Variants in ACKR2 observed in about 807,000 individuals in gnomAD.
ACKR2 encodes atypical chemokine receptor 2.
For missense variants in ACKR2, 457 were observed against 477.3 expected (o/e 0.96, Z 0.40); for synonymous variants, 207 against 192.2 (o/e 1.08, Z -0.64).
intron 2 of ACKR2, among the ~76,000 whole-genome samples, chr3:42,832,305 A>C (rs1700938992): frequency 6.6e-6 from 1 of 152,120 alleles, no homozygotes; most frequent in Non-Finnish European, 1.5e-5. Flanking sequence ...CTAGGCCAAC[A>C]CAGTGAGGAC....
intron 2 of ACKR2, among the ~76,000 whole-genome samples, chr3:42,828,754 T>C (rs1700898912): frequency 6.6e-6 from 1 of 152,138 alleles, no homozygotes; most frequent in South Asian, 2.1e-4. Context: ...AAGAATACAG[T>C]GTGATGAAGA....
At chr3:42,833,999 GTT>G (rs1231237922) in intron 2 of ACKR2, among the ~76,000 whole-genome samples, 1 of 152,086 alleles carries the variant, frequency 6.6e-6, no homozygotes, top group Non-Finnish European at 1.5e-5. Flanking sequence ...TTTCGCTCTT[GTT>G]GCCCAGGCTG....
chr3:42,824,246 C>G (rs977725167), intron 2 of ACKR2, among the ~76,000 whole-genome samples: 3 of 152,066 alleles, frequency 2.0e-5, no homozygotes, highest in African/African-American at 7.2e-5. Context: ...AGTTGTTATA[C>G]TGTATTTTAA....
At chr3:42,857,111 G>T (rs575647463) in intron 2 of ACKR2, among the ~76,000 whole-genome samples, 1 of 152,014 alleles carries the variant, frequency 6.6e-6, no homozygotes, top group Non-Finnish European at 1.5e-5. Flanking sequence ...GGCACCTGCC[G>T]TCTTGAATTT....
Position 42,865,498 on chromosome 3 carries a change from ATGGCACC to A in ACKR2, c.1010_1016del (p.Pro337LeufsTer21), listed in dbSNP as rs577087357. On this transcript the variant is annotated frameshift_variant, in exon 3 of 3. Transcript: ENST00000422265. LOFTEE classifies it low-confidence loss of function (END_TRUNC). ...AGGCTTTCCTGGCTGCCGTGCTTGG[ATGGCACC>A]TGGCACCTGGCACTGCCCAGGCCTC... The A allele has an allele frequency of 5.1e-4, 831 of 1,614,056 alleles. 4 individuals are homozygous for A. In the African/African-American group the frequency reaches 7.1e-3, roughly 14 times the overall value.
At chr3:42,844,928 A>G (rs1345482756) in intron 2 of ACKR2, among the ~76,000 whole-genome samples, 1 of 152,104 alleles carries the variant, frequency 6.6e-6, no homozygotes, top group Admixed American at 6.5e-5. Flanking sequence ...AGACATCAGC[A>G]TCCTGCCTCC....
intron 2 of ACKR2, among the ~76,000 whole-genome samples, chr3:42,827,916 C>T (rs1700885643): frequency 6.6e-6 from 1 of 151,860 alleles, no homozygotes; most frequent in African/African-American, 2.4e-5. Context: ...TTGGGCAGAG[C>T]AAGAAAAATG....
In ACKR2 at chr3:42,865,791, C is replaced by A. The variant is rs1409924955; in HGVS notation, c.*134C>A. The A allele has an allele frequency of 5.8e-6, 4 of 686,998 alleles. No individual in the cohort carries two copies. The Admixed American group carries it at 1.3e-4, about 22-fold the overall frequency. The allele number at this position is 686,998 out of a possible 1,614,324, so 42.6% of individuals were successfully genotyped here. ...TCAGTTCTCAGTTCTCAGCCATCAG[C>A]AGCATTTGCTCGCCCCGCCTTCTTC... On this transcript the variant is annotated 3_prime_UTR_variant, in exon 3 of 3. Coordinates refer to ENST00000422265, the MANE Select transcript of ACKR2 (RefSeq NM_001296.5).
At chr3:42,817,303 T>G (rs981100723) in intron 1 of ACKR2, among the ~76,000 whole-genome samples, 10 of 152,262 alleles carry the variant, frequency 6.6e-5, no homozygotes, top group Admixed American at 1.3e-4. Flanking sequence ...TTCTGACCCC[T>G]TCTCTAAATC....
chr3:42,856,627 G>C (rs1250586951), intron 2 of ACKR2, among the ~76,000 whole-genome samples: 3 of 152,014 alleles, frequency 2.0e-5, no homozygotes, highest in Non-Finnish European at 4.4e-5. Flanking sequence ...ATACAAGGGG[G>C]TATTGAACAT....
chr3:42,865,323 C>G lies in ACKR2; in HGVS notation c.821C>G (p.Thr274Arg), dbSNP rs760448133. 4 of 1,614,096 alleles carry G rather than the reference C, an allele frequency of 2.5e-6. No homozygotes were observed. The highest frequency in any genetic ancestry group is 2.7e-5 in the African/African-American group (2 of 74,932). Residue 274 changes from threonine to arginine, a missense_variant, in exon 3 of 3, where the codon ACG becomes AGG. Thr to Arg is a moderately conservative substitution (Grantham distance 71). Transcript: ENST00000422265. The stretch of plus-strand genomic sequence containing the variant: ...TACAATCTCACCTTGTTTCTGCATA[C>G]GCTGTTGGACCTGCAAGTATTCGGG... ...FPYNLTLFLH[T>R]LLDLQVFGNC... is the part of the protein sequence containing the mutation.
intron 2 of ACKR2, among the ~76,000 whole-genome samples, chr3:42,826,690 GT>G (rs1700868792): frequency 6.6e-6 from 1 of 151,936 alleles, no homozygotes; most frequent in Admixed American, 6.6e-5. Context: ...ACAACCTTTG[GT>G]TTTGTTGATT....
chr3:42,842,066 G>C (rs114632742), intron 2 of ACKR2, among the ~76,000 whole-genome samples: 1,765 of 152,282 alleles, frequency 0.012, 39 homozygotes, highest in African/African-American at 0.04. Context: ...GTGAAGATTA[G>C]ATGAGTTTAG....
At chr3:42,829,727 C>T (rs778232066) in intron 2 of ACKR2, among the ~76,000 whole-genome samples, 3 of 152,224 alleles carry the variant, frequency 2.0e-5, no homozygotes, top group Non-Finnish European at 4.4e-5. Context: ...CCATCAACCC[C>T]TTGCATCTGC....
chr3:42,828,074 T>TTATATATATA (rs199846772), intron 2 of ACKR2, among the ~76,000 whole-genome samples: 38 of 122,512 alleles, frequency 3.1e-4, no homozygotes, highest in Middle Eastern at 4.5e-3. Context: ...GATGCTTGCA[T>TTATATATATA]TATATATATA....
chr3:42,844,651 G>T (rs1701074044), intron 2 of ACKR2, among the ~76,000 whole-genome samples: 1 of 152,196 alleles, frequency 6.6e-6, no homozygotes, highest in Non-Finnish European at 1.5e-5. Context: ...CAGGAGCTCT[G>T]CCAGGGGATT....
chr3:42,819,141 A>G (rs941732978), intron 1 of ACKR2, among the ~76,000 whole-genome samples: 2 of 152,136 alleles, frequency 1.3e-5, no homozygotes, highest in African/African-American at 4.8e-5. Flanking sequence ...GTATAACTTT[A>G]TCTTGCATAT....
Position 42,865,346 on chromosome 3 carries a change from G to T in ACKR2, c.844G>T (p.Gly282Trp), listed in dbSNP as rs762854358. ...LHTLLDLQVF[G>W]NCEVSQHLDY... ...TACGCTGTTGGACCTGCAAGTATTC[G>T]GGAACTGTGAGGTCAGCCAGCATCT... The change falls in exon 3 of 3, where the codon GGG becomes TGG. Residue 282 changes from glycine (G) to tryptophan (W), a missense_variant. By Grantham distance (184) the Gly-to-Trp change is radical. Transcript: ENST00000422265. 2.5e-6 allele frequency: 4 copies of T among 1,614,044 alleles called. No individual in the cohort carries two copies. In the Admixed American group the frequency reaches 5.0e-5, roughly 20 times the overall value.
At chr3:42,842,008 T>TC (rs144262236) in intron 2 of ACKR2, among the ~76,000 whole-genome samples, 2,348 of 152,288 alleles carry the variant, frequency 0.015, 60 homozygotes, top group African/African-American at 0.053. Context: ...CCTCAGTTCC[T>TC]CATTTGTAAA....
Sources: gnomAD v4.1 joint callset for allele counts (sites outside exome capture counted in the v4.1 genomes callset) on GRCh38, gnomAD v4.1.1 for gene constraint, MANE v1.5 for transcripts, NCBI Gene and HGNC (gene_info 2026-07-23, HGNC 2026-07-21) for gene names.